The following FANK1 variants were observed in gnomAD, a reference collection of about 807,000 sequenced individuals.
The protein encoded by FANK1 is fibronectin type III and ankyrin repeat domains 1, also known as fibronectin type 3 and ankyrin repeat domains protein 1.
FANK1 carries 44 observed loss-of-function variants against 45.3 expected under a neutral mutation model. The ratio of observed to expected loss-of-function variants is 0.97; its 90% confidence interval spans 0.76 to 1.25. The LOEUF (loss-of-function observed/expected upper bound fraction) is 1.25. FANK1 is among the 50% of genes most tolerant of loss of function. FANK1 has a pLI of 0.00. For synonymous variants in FANK1, 149 were observed against 152.5 expected (o/e 0.98, Z 0.17); for missense variants, 391 against 424.4 (o/e 0.92, Z 0.69).
chr10:125,917,673 T>C (rs1387660321), intron 1 of FANK1, among the ~76,000 whole-genome samples: 49 of 152,232 alleles, frequency 3.2e-4, no homozygotes, highest in Non-Finnish European at 6.5e-4. Flanking sequence ...TTAATCTGTC[T>C]TTTGGTACAA....
chr10:125,954,154 TG>T (rs1443055523), intron 1 of FANK1, among the ~76,000 whole-genome samples: 7 of 152,086 alleles, frequency 4.6e-5, no homozygotes, highest in African/African-American at 1.7e-4. Context: ...GTGGTTACAA[TG>T]GGGGAAGGGG....
chr10:125,968,138 T>A (rs1280786547), intron 1 of FANK1, among the ~76,000 whole-genome samples: 1 of 152,016 alleles, frequency 6.6e-6, no homozygotes, highest in Non-Finnish European at 1.5e-5. Flanking sequence ...TGGAGTGCAG[T>A]GGCATGATGA....
At chr10:125,981,019 AGTTT>A (rs34937745) in intron 2 of FANK1, 59,663 of 151,790 alleles carry the variant, frequency 0.39, 11,868 homozygotes, top group South Asian at 0.46. Flanking sequence ...TTGTTTGCTT[AGTTT>A]GTTTACCTTG....
At chr10:125,969,870 C>T (rs1950387640) in intron 1 of FANK1, among the ~76,000 whole-genome samples, 1 of 152,186 alleles carries the variant, frequency 6.6e-6, no homozygotes, top group Non-Finnish European at 1.5e-5. Flanking sequence ...TAACAAAGCA[C>T]ATCTTGCACT....
intron 8 of FANK1, 130 bp downstream of exon 8, chr10:126,008,680 C>A: frequency 9.3e-7 from 1 of 1,080,562 alleles, no homozygotes; most frequent in South Asian, 1.7e-5. Context: ...TGTGTGTTCC[C>A]TGTCGGCTTG....
intron 1 of FANK1, among the ~76,000 whole-genome samples, chr10:125,933,848 T>C (rs568534459): frequency 1.3e-5 from 2 of 152,208 alleles, no homozygotes; most frequent in Non-Finnish European, 2.9e-5. Flanking sequence ...TGTCATTCAG[T>C]TTGAAGAATT....
intron 3 of FANK1, chr10:125,994,603 G>A (rs1952180853): frequency 1.0e-6 from 1 of 985,262 alleles, no homozygotes; most frequent in African/African-American, 1.7e-5. Flanking sequence ...TGCTTCATTG[G>A]TGTTATTTCA....
In FANK1 at chr10:125,931,063, C is replaced by T. The variant is rs376046049; in HGVS notation, c.13+34408C>T. 2.1e-4 allele frequency among the ~76,000 whole-genome samples: 32 copies of T among 152,266 alleles called. No homozygotes were observed. In the East Asian group the frequency reaches 3.7e-3, roughly 17 times the overall value. On this transcript the variant is annotated intron_variant, in intron 1 of 10. Coordinates refer to ENST00000368693, the MANE Select transcript of FANK1 (RefSeq NM_145235.5). The stretch of plus-strand genomic sequence containing the variant: ...CTGTTAATTTACTCCTTTTTATGAC[C>T]GAGTAATATGCCGTAGCATAAATAT...
chr10:125,911,286 C>T lies in FANK1; in HGVS notation c.13+14631C>T, dbSNP rs556650852. ...CATAGAGCCAAGGTGTGTGGAAAGC[C>T]GTCAGCAGAAGGAAGAGGCATGGAA... On this transcript the variant is annotated intron_variant, in intron 1 of 10. Coordinates refer to ENST00000368693, the MANE Select transcript of FANK1 (RefSeq NM_145235.5). Among the ~76,000 whole-genome samples the T allele has an allele frequency of 4.1e-4, 62 of 152,188 alleles. No homozygotes were observed. The South Asian group carries it at 0.012, about 30-fold the overall frequency.
At chr10:125,957,771 C>T (rs563289552) in intron 1 of FANK1, among the ~76,000 whole-genome samples, 5 of 152,042 alleles carry the variant, frequency 3.3e-5, no homozygotes, top group Admixed American at 2.0e-4. Context: ...GTAATCCCTT[C>T]GCCTTGGCCT....
At chr10:125,912,399 AT>A (rs1461484723) in intron 1 of FANK1, among the ~76,000 whole-genome samples, 2 of 149,628 alleles carry the variant, frequency 1.3e-5, no homozygotes, top group African/African-American at 4.9e-5. Context: ...CATTACCTCC[AT>A]TTCTCCATTT....
intron 1 of FANK1, among the ~76,000 whole-genome samples, chr10:125,950,965 T>C (rs1949175195): frequency 6.7e-6 from 1 of 150,300 alleles, no homozygotes; most frequent in Non-Finnish European, 1.5e-5. Flanking sequence ...AAATTGGAAA[T>C]CATCATTCTC....
intron 3 of FANK1, among the ~76,000 whole-genome samples, chr10:125,992,525 G>GT (rs1952017921): frequency 6.6e-6 from 1 of 152,200 alleles, no homozygotes; most frequent in Admixed American, 6.5e-5. Flanking sequence ...TGTTCTCAGA[G>GT]TAAGCTGTGA....
At chr10:125,996,103 G>C (rs1290050584) in intron 4 of FANK1, among the ~76,000 whole-genome samples, 1 of 152,186 alleles carries the variant, frequency 6.6e-6, no homozygotes, top group Non-Finnish European at 1.5e-5. Flanking sequence ...GAGTATGTGC[G>C]TGAAGACCTC....
chr10:125,980,074 G>A (rs1424761534), intron 1 of FANK1, 87 bp from the exon 2 acceptor site: 11 of 1,392,466 alleles, frequency 7.9e-6, no homozygotes, highest in Admixed American at 2.2e-5. Flanking sequence ...AAAATAGCTC[G>A]ATCACCAAGC....
At chr10:125,922,668 C>T (rs575702997) in intron 1 of FANK1, among the ~76,000 whole-genome samples, 117 of 152,298 alleles carry the variant, frequency 7.7e-4, no homozygotes, top group African/African-American at 2.8e-3. Flanking sequence ...AGGTGTGCTG[C>T]CATGCCCAGC....
At chr10:125,896,880 G>A (rs1238997232) in intron 1 of FANK1, among the ~76,000 whole-genome samples, 8 of 152,206 alleles carry the variant, frequency 5.3e-5, no homozygotes, top group African/African-American at 1.7e-4. Context: ...GTCCGCGCTG[G>A]GGGCTGGGAG....
chr10:125,943,531 A>G (rs1431650635), intron 1 of FANK1, among the ~76,000 whole-genome samples: 7 of 152,162 alleles, frequency 4.6e-5, no homozygotes, highest in Non-Finnish European at 1.0e-4. Flanking sequence ...TGCAACCACT[A>G]ATCTACTTTG....
intron 1 of FANK1, among the ~76,000 whole-genome samples, chr10:125,937,966 C>A (rs890602666): frequency 2.0e-5 from 3 of 152,074 alleles, no homozygotes; most frequent in African/African-American, 7.2e-5. Context: ...ACTGAAATAT[C>A]ATACAAACAG....
Sources: allele counts gnomAD v4.1 joint callset (sites outside exome capture counted in the v4.1 genomes callset), GRCh38; gene constraint gnomAD v4.1.1; transcripts MANE v1.5; gene names NCBI Gene and HGNC (gene_info 2026-07-23, HGNC 2026-07-21).